Variants in CCDC50 observed in about 807,000 individuals in gnomAD.
CCDC50 encodes coiled-coil domain-containing protein 50.
In CCDC50, 54 loss-of-function variants were observed where a neutral mutation model predicts 70.2. The observed-to-expected ratio is 0.77, with a 90% CI of 0.62 to 0.96. CCDC50 has a LOEUF of 0.96. Among genes scored for constraint, CCDC50 ranks in the 50% least tolerant of loss-of-function variants. The pLI, the probability that CCDC50 is intolerant of heterozygous loss-of-function variation, is 0.00. For synonymous variants in CCDC50, 216 were observed against 198.8 expected (o/e 1.09, Z -0.73); for missense variants, 558 against 578.7 (o/e 0.96, Z 0.37).
At chr3:191,374,102 T>A (rs1300842556) in intron 5 of CCDC50, among the ~76,000 whole-genome samples, 5 of 152,166 alleles carry the variant, frequency 3.3e-5, no homozygotes, top group Admixed American at 3.3e-4. Context: ...CAAAACGTAG[T>A]AAAAGTTTTA....
rs1274164626 is a variant in CCDC50 at position 191,361,172 on chromosome 3, T to C, written c.330+13T>C. On this transcript the variant is annotated intron_variant, in intron 4 of 11. Transcript: ENST00000392455. ...GAAGAAGGATGAGGTATAACTTAGT[T>C]ACTGCCCCTCTCCCTCATGGAGAAA... is the stretch of plus-strand genomic sequence containing the variant. 6.3e-7 allele frequency: 1 copy of C among 1,586,848 alleles called. No homozygotes were observed. The highest frequency in any genetic ancestry group is 1.7e-5 in the Admixed American group (1 of 59,966).
At chr3:191,361,540 C>T (rs1331877308) in intron 4 of CCDC50, among the ~76,000 whole-genome samples, 1 of 152,142 alleles carries the variant, frequency 6.6e-6, no homozygotes, top group Non-Finnish European at 1.5e-5. Flanking sequence ...CTTCCTAGCT[C>T]CTGACTCCTG....
chr3:191,351,748 A>G (rs1712113693), intron 1 of CCDC50, among the ~76,000 whole-genome samples: 1 of 141,076 alleles, frequency 7.1e-6, no homozygotes, highest in Admixed American at 7.3e-5. Flanking sequence ...ATTTCAGGTA[A>G]GTTGTATACC....
At chr3:191,356,392 T>TGGGGCAGATTC (rs1215208665) in intron 1 of CCDC50, among the ~76,000 whole-genome samples, 1 of 152,198 alleles carries the variant, frequency 6.6e-6, no homozygotes, top group East Asian at 1.9e-4. Context: ...GAGGCAGAGT[T>TGGGGCAGATTC]GGGGCAGATT....
At position 191,352,475 on chromosome 3, in the gene CCDC50, G is replaced by A. The variant is rs1712137058; in HGVS notation, c.50-4613G>A. ...GGCATCCCTCATTTTATTGCACTTT[G>A]CTTTACTGCGCTTTGGACAAACTAT... On this transcript the variant is annotated intron_variant, in intron 1 of 11. Transcript: ENST00000392455. 1.4e-5 allele frequency among the ~76,000 whole-genome samples: 2 copies of A among 141,910 alleles called. 1 individual carries two copies. The highest frequency in any genetic ancestry group is 3.2e-5 in the Non-Finnish European group (2 of 62,940). 93.1% of individuals were successfully genotyped at this position (141,910 alleles called of 152,430 possible).
intron 1 of CCDC50, among the ~76,000 whole-genome samples, chr3:191,333,863 C>T (rs549520979): frequency 5.9e-5 from 9 of 152,002 alleles, no homozygotes; most frequent in African/African-American, 2.2e-4. Context: ...ATAAAAACTT[C>T]GAATTTTTTT....
intron 1 of CCDC50, among the ~76,000 whole-genome samples, chr3:191,338,999 T>C (rs949720224): frequency 6.6e-6 from 1 of 152,226 alleles, no homozygotes; most frequent in Non-Finnish European, 1.5e-5. Context: ...CTATTTTCTC[T>C]TTTAAATTTA....
At chr3:191,370,594 T>G (rs1008369669) in intron 5 of CCDC50, among the ~76,000 whole-genome samples, 6 of 151,976 alleles carry the variant, frequency 3.9e-5, no homozygotes, top group Admixed American at 1.3e-4. Context: ...GCTCAAGCAG[T>G]TGTCCTCCCT....
chr3:191,343,597 C>G (rs1711809092), intron 1 of CCDC50, among the ~76,000 whole-genome samples: 1 of 152,190 alleles, frequency 6.6e-6, no homozygotes, highest in Admixed American at 6.5e-5. Context: ...TTGCTAAGTT[C>G]ATATATTCCT....
chr3:191,358,107 G>A lies in CCDC50; in HGVS notation c.222G>A (p.Gln74=). The A allele has an allele frequency of 6.2e-7, 1 of 1,613,922 alleles. No individual in the cohort carries two copies. Among genetic ancestry groups the A allele is most frequent in the Non-Finnish European group, 8.5e-7 (1 of 1,179,898 alleles). The change falls in exon 3 of 12, where the codon CAG becomes CAA. Residue 74 remains glutamine (Q), a synonymous_variant. Transcript: ENST00000392455. Reference sequence around the variant, plus strand: ...ATCTGAAAGCGCAGGCCCAGCTCCAGAAGCGCTACAAAGACCTGTGAGGAT... The same window carrying A: ...ATCTGAAAGCGCAGGCCCAGCTCCAAAAGCGCTACAAAGACCTGTGAGGAT... ...EEDLKAQAQL[Q]KRYKDLEQQD...
rs773657487 is a variant in CCDC50 at position 191,380,142 on chromosome 3, T to TTG, written c.977-16_977-15insGT. Reference sequence around the variant, plus strand: ...CTCGGTTGTTTTATTACATTGAGTTTTTTTTTTTTTTTAAAGGAATGAAGC... The same window carrying TTG: ...CTCGGTTGTTTTATTACATTGAGTTTTGTTTTTTTTTTTTAAAGGAATGAAGC... On this transcript the variant is annotated splice_polypyrimidine_tract_variant and intron_variant, in intron 6 of 11. Coordinates refer to ENST00000392455, the MANE Select transcript of CCDC50 (RefSeq NM_178335.3). 7.1e-7 allele frequency: 1 copy of TTG among 1,410,528 alleles called. No homozygotes were observed. Among genetic ancestry groups the TTG allele is most frequent in the Non-Finnish European group, 9.9e-7 (1 of 1,010,906 alleles). The allele number at this position is 1,410,528 out of a possible 1,614,324, so 87.4% of individuals were successfully genotyped here.
chr3:191,342,836 A>T (rs541271405), intron 1 of CCDC50, among the ~76,000 whole-genome samples: 1 of 152,226 alleles, frequency 6.6e-6, no homozygotes, highest in Non-Finnish European at 1.5e-5. Context: ...AAAATTGTCT[A>T]CTACTGCTTA....
At chr3:191,376,053 A>C (rs994807597) in intron 6 of CCDC50, among the ~76,000 whole-genome samples, 7 of 152,154 alleles carry the variant, frequency 4.6e-5, no homozygotes, top group Non-Finnish European at 7.4e-5. Context: ...TCATTTGTAA[A>C]ATGAGGAGTT....
At chr3:191,381,550 C>T (rs1013857543) in intron 9 of CCDC50, among the ~76,000 whole-genome samples, 16 of 152,112 alleles carry the variant, frequency 1.1e-4, no homozygotes, top group African/African-American at 3.9e-4. Context: ...GCTTAGCAGA[C>T]TTTATTCATC....
intron 7 of CCDC50, 128 bp downstream of exon 7, chr3:191,380,402 C>A: frequency 1.3e-6 from 1 of 742,722 alleles, no homozygotes; most frequent in South Asian, 1.5e-5. Context: ...GTGGAAAAAT[C>A]ATGACAATAG....
In CCDC50 at chr3:191,357,205, T is replaced by G. The variant is rs1712319175; in HGVS notation, c.112+55T>G. 5 of 1,452,344 alleles carry G rather than the reference T, an allele frequency of 3.4e-6. No homozygotes were observed. In the East Asian group the frequency reaches 1.1e-4, roughly 33 times the overall value. The allele number at this position is 1,452,344 out of a possible 1,614,324, so 90.0% of individuals were successfully genotyped here. ...CAGTTTTCTTTTTTTAGTGGTAGCTTGAGGCTGGTTTCTTAGGGCTTAGGT... is the reference window on the plus strand; with the variant it reads ...CAGTTTTCTTTTTTTAGTGGTAGCTGGAGGCTGGTTTCTTAGGGCTTAGGT... On this transcript the variant is annotated intron_variant, in intron 2 of 11. Coordinates refer to ENST00000392455, the MANE Select transcript of CCDC50 (RefSeq NM_178335.3).
chr3:191,361,078 A>G lies in CCDC50; in HGVS notation c.249A>G (p.Gln83=), dbSNP rs1358893854. 5 of 1,613,302 alleles carry G rather than the reference A, an allele frequency of 3.1e-6. No individual in the cohort carries two copies. The Admixed American group carries it at 6.7e-5, about 22-fold the overall frequency. ...CACCTTTGCTTTTTAGTGAACAACAAGACTGTGAAATTGCTCAGGAAATTC... is the reference window on the plus strand; with the variant it reads ...CACCTTTGCTTTTTAGTGAACAACAGGACTGTGAAATTGCTCAGGAAATTC... The part of the protein sequence containing the change: ...LQKRYKDLEQ[Q]DCEIAQEIQE... The change falls in exon 4 of 12, where the codon CAA becomes CAG. Residue 83 remains glutamine (Q), a synonymous_variant. Coordinates refer to ENST00000392455, the MANE Select transcript of CCDC50 (RefSeq NM_178335.3).
chr3:191,354,962 G>C (rs1048521812), intron 1 of CCDC50, among the ~76,000 whole-genome samples: 1 of 152,062 alleles, frequency 6.6e-6, no homozygotes, highest in Non-Finnish European at 1.5e-5. Flanking sequence ...TATGTATTCA[G>C]TACAGCCACA....
chr3:191,383,419 CTTT>C (rs59130355), intron 10 of CCDC50, among the ~76,000 whole-genome samples: 3 of 145,336 alleles, frequency 2.1e-5, no homozygotes, highest in Non-Finnish European at 4.6e-5. Flanking sequence ...GAAGTAACCT[CTTT>C]TTTTTTTTAA....
Sources: allele counts gnomAD v4.1 joint callset (sites outside exome capture counted in the v4.1 genomes callset), GRCh38; gene constraint gnomAD v4.1.1; transcripts MANE v1.5; gene names NCBI Gene and HGNC (gene_info 2026-07-23, HGNC 2026-07-21).